CHD9: variants seen among roughly 807,000 people sequenced by gnomAD.
CHD9 encodes chromodomain helicase DNA binding protein 9, also known as ATP-dependent chromatin remodeler CHD9.
In CHD9, 77 loss-of-function variants were observed where a neutral mutation model predicts 316.1. The ratio of observed to expected loss-of-function variants is 0.24; its 90% CI spans 0.20 to 0.29. The LOEUF (loss-of-function observed/expected upper bound fraction) is 0.29. Ranked by LOEUF, CHD9 falls within the 10% of genes least tolerant of loss-of-function variation. The probability of loss-of-function intolerance (pLI) is 1.00; values close to 1 mark genes in which losing one functional copy is unlikely to be tolerated. For synonymous variants in CHD9, 1,129 were observed against 1,158.3 expected, an observed-to-expected ratio of 0.97 and a Z score of 0.51; for missense variants, 2,763 against 3,438.1, an observed-to-expected ratio of 0.80 and a Z score of 4.91.
At position 53,247,828 on chromosome 16, in the gene CHD9, A is replaced by G. The variant is rs1470894641; in HGVS notation, c.3665+325A>G. On this transcript the variant is annotated intron_variant, in intron 16 of 38. Transcript: ENST00000447540. ...AACTTTAAATAGATATATATTTACAACAGTCATCTTCAAAATTGAAAAAAG... is the reference window on the plus strand; with the variant it reads ...AACTTTAAATAGATATATATTTACAGCAGTCATCTTCAAAATTGAAAAAAG... 5 of 187,714 alleles carry G rather than the reference A, an allele frequency of 2.7e-5. No individual in the cohort carries two copies. The East Asian group carries it at 6.9e-4, about 26-fold the overall frequency. The allele number at this position is 187,714 out of a possible 1,614,324, so 11.6% of individuals were successfully genotyped here. A position where few individuals can be genotyped will look rare whatever the true frequency, so the allele number is the denominator to read the frequency against.
intron 4 of CHD9, among the ~76,000 whole-genome samples, chr16:53,224,463 A>G (rs1378176825): frequency 9.2e-5 from 14 of 152,178 alleles, no homozygotes; most frequent in African/African-American, 3.1e-4. Flanking sequence ...TTAATCTGTT[A>G]GGCAAAGTCT....
intron 2 of CHD9, among the ~76,000 whole-genome samples, chr16:53,185,049 A>C (rs185024423): frequency 1.3e-5 from 2 of 152,320 alleles, no homozygotes; most frequent in Admixed American, 6.5e-5. Context: ...AGTTCTTTAT[A>C]GCAATGTGAG....
chr16:53,055,495 C>CCCT (rs2031964376), intron 1 of CHD9, among the ~76,000 whole-genome samples: 1 of 48,860 alleles, frequency 2.0e-5, no homozygotes. Context: ...TCCACCCCCG[C>CCCT]CCCCCCCCAG....
chr16:53,187,369 G>C (rs2044109293), intron 2 of CHD9, among the ~76,000 whole-genome samples: 1 of 152,082 alleles, frequency 6.6e-6, no homozygotes, highest in East Asian at 1.9e-4. Context: ...AAATTAGCTG[G>C]GCATGGTGAC....
chr16:53,124,157 C>T (rs2038866874), intron 1 of CHD9, among the ~76,000 whole-genome samples: 1 of 152,072 alleles, frequency 6.6e-6, no homozygotes, highest in African/African-American at 2.4e-5. Context: ...AACTGTTTTC[C>T]AAAACAACCA....
At chr16:53,215,222 A>G (rs1459783260) in intron 3 of CHD9, among the ~76,000 whole-genome samples, 1 of 152,034 alleles carries the variant, frequency 6.6e-6, no homozygotes, top group Non-Finnish European at 1.5e-5. Flanking sequence ...GGCCAACAAT[A>G]CATATCTGTT....
Position 53,304,548 on chromosome 16 carries a change from C to A in CHD9, c.6542C>A (p.Ser2181Tyr). The A allele has an allele frequency of 6.5e-7, 1 of 1,545,524 alleles. No individual in the cohort carries two copies. Among genetic ancestry groups the A allele is most frequent in the Non-Finnish European group, 8.8e-7 (1 of 1,141,202 alleles). ...CSSASSSSSSSTSSSSSSSSS... is the reference protein window; with the variant it reads ...CSSASSSSSSYTSSSSSSSSS... ...TCAGCATCTTCTTCATCCTCTTCCT[C>A]CACCTCTTCCTCCTCCTCCTCCTCT... The change falls in exon 31 of 39, where the codon TCC (serine) becomes TAC (tyrosine). Residue 2181 changes from serine to tyrosine, a missense_variant. Physicochemically the swap from Ser to Tyr is moderately radical, Grantham distance 144 (BLOSUM62 -2). Coordinates refer to ENST00000447540, the MANE Select transcript of CHD9 (RefSeq NM_001308319.2).
intron 1 of CHD9, chr16:53,121,381 T>C (rs780299646): frequency 6.6e-6 from 3 of 455,950 alleles, no homozygotes; most frequent in South Asian, 4.6e-5. Flanking sequence ...CGGGGATATT[T>C]TATCAAGGAA....
chr16:53,238,629 C>CCTG, intron 12 of CHD9, 43 bp downstream of exon 12: 1 of 1,592,910 alleles, frequency 6.3e-7, no homozygotes, highest in Non-Finnish European at 8.6e-7. Flanking sequence ...AAGGTCAGGG[C>CCTG]TGAAAAAGAT....
chr16:53,123,012 C>T lies in CHD9; in HGVS notation c.-164-32914C>T, dbSNP rs932999942. Among the ~76,000 whole-genome samples, 7 of 151,128 alleles carry T rather than the reference C, an allele frequency of 4.6e-5. 1 individual carries two copies. The South Asian group carries it at 8.4e-4, about 18-fold the overall frequency. On this transcript the variant is annotated intron_variant, in intron 1 of 38. Coordinates refer to ENST00000447540, the MANE Select transcript of CHD9 (RefSeq NM_001308319.2). ...GATTACAGGAGTGAGCCACCGCGCC[C>T]GGCCCACACCCAGCTAATTTTTATA...
intron 1 of CHD9, among the ~76,000 whole-genome samples, chr16:53,098,295 G>A (rs570309718): frequency 3.9e-5 from 6 of 152,136 alleles, no homozygotes; most frequent in Non-Finnish European, 7.4e-5. Context: ...GGCCAACATG[G>A]TGAAACCTCG....
intron 1 of CHD9, among the ~76,000 whole-genome samples, chr16:53,116,011 A>G (rs1222720650): frequency 1.3e-5 from 2 of 152,208 alleles, no homozygotes; most frequent in Non-Finnish European, 2.9e-5. Flanking sequence ...TCAGTTATCT[A>G]GAAAGAGGAG....
At chr16:53,202,117 C>T (rs1045070132) in intron 2 of CHD9, among the ~76,000 whole-genome samples, 2 of 152,276 alleles carry the variant, frequency 1.3e-5, no homozygotes, top group African/African-American at 4.8e-5. Context: ...CTGCCTTGGC[C>T]TCCCAAAGTT....
chr16:53,104,918 C>T (rs903171879), intron 1 of CHD9, among the ~76,000 whole-genome samples: 12 of 151,912 alleles, frequency 7.9e-5, no homozygotes, highest in Admixed American at 1.3e-4. Context: ...CCTTGAGCCC[C>T]GAACGCCTGG....
At chr16:53,075,338 G>A (rs768004906) in intron 1 of CHD9, among the ~76,000 whole-genome samples, 9 of 152,170 alleles carry the variant, frequency 5.9e-5, no homozygotes, top group Non-Finnish European at 1.0e-4. Context: ...GGACTTTGGG[G>A]TTAATGCTGA....
intron 3 of CHD9, among the ~76,000 whole-genome samples, chr16:53,218,178 A>C (rs2152895576): frequency 6.6e-6 from 1 of 152,310 alleles, no homozygotes; most frequent in East Asian, 1.9e-4. Context: ...TTACAAAGTT[A>C]GAATCTGAAA....
intron 2 of CHD9, among the ~76,000 whole-genome samples, chr16:53,186,228 G>C (rs1453246237): frequency 6.6e-6 from 1 of 152,222 alleles, no homozygotes; most frequent in East Asian, 1.9e-4. Flanking sequence ...AAGGCTGTGG[G>C]AGCCCACCTC....
intron 1 of CHD9, among the ~76,000 whole-genome samples, chr16:53,060,584 C>A (rs1454840777): frequency 6.6e-6 from 1 of 152,004 alleles, no homozygotes; most frequent in Non-Finnish European, 1.5e-5. Context: ...ATAGCAAGAC[C>A]CCATATCTAC....
chr16:53,274,326 T>TTTTG, intron 24 of CHD9, 24 bp downstream of exon 24: 4 of 1,440,340 alleles, frequency 2.8e-6, no homozygotes, highest in Non-Finnish European at 3.8e-6. Context: ...TTTTTATTAT[T>TTTTG]TTTGTTTGTT....
Sources: gnomAD v4.1 joint callset for allele counts (sites outside exome capture counted in the v4.1 genomes callset) on GRCh38, gnomAD v4.1.1 for gene constraint, MANE v1.5 for transcripts, NCBI Gene and HGNC (gene_info 2026-07-23, HGNC 2026-07-21) for gene names.